The following PZP variants were observed in gnomAD, a reference collection of about 807,000 sequenced individuals.
PZP encodes the protein pregnancy zone protein.
In PZP, 150 loss-of-function variants were observed where a neutral mutation model predicts 179.8. The ratio of observed to expected loss-of-function variants is 0.83; its 90% CI spans 0.73 to 0.96. The LOEUF is 0.96. PZP is among the 40% of genes least tolerant of loss of function. The pLI is 0.00. For synonymous variants in PZP, 624 were observed against 652.3 expected (o/e 0.96, Z 0.66); for missense variants, 1,689 against 1,764.0 (o/e 0.96, Z 0.76).
intron 13 of PZP, among the ~76,000 whole-genome samples, chr12:9,190,389 T>A (rs2121084452): frequency 6.6e-6 from 1 of 152,246 alleles, no homozygotes; most frequent in East Asian, 1.9e-4. Context: ...AGCAAAATAA[T>A]GTAGGAACAG....
intron 21 of PZP, among the ~76,000 whole-genome samples, chr12:9,163,027 CA>C (rs1941323794): frequency 6.6e-6 from 1 of 152,124 alleles, no homozygotes; most frequent in Non-Finnish European, 1.5e-5. Flanking sequence ...GAGAACATAA[CA>C]TCCTACTTGT....
In PZP at chr12:9,201,315, T is replaced by A; in HGVS notation, c.501+12A>T. Reference sequence around the variant, plus strand: ...ACTAATTTCCTTATAAGATACTTTTTCTGATACTTACCTCAAGGTATATCA... The same window carrying A: ...ACTAATTTCCTTATAAGATACTTTTACTGATACTTACCTCAAGGTATATCA... On this transcript the variant is annotated intron_variant, in intron 5 of 35. Transcript: ENST00000261336. The A allele has an allele frequency of 6.5e-7, 1 of 1,533,956 alleles. No individual in the cohort carries two copies. The highest frequency in any genetic ancestry group is 9.0e-7 in the Non-Finnish European group (1 of 1,110,322).
At chr12:9,200,854 C>T in intron 6 of PZP, 38 bp downstream of exon 6, 1 of 1,583,952 alleles carries the variant, frequency 6.3e-7, no homozygotes, top group Non-Finnish European at 8.6e-7. Flanking sequence ...CTCTAGGAAC[C>T]AAAATGTTAT....
At chr12:9,184,814 C>G (rs1023206430) in intron 13 of PZP, among the ~76,000 whole-genome samples, 1 of 152,212 alleles carries the variant, frequency 6.6e-6, no homozygotes, top group Non-Finnish European at 1.5e-5. Flanking sequence ...GAGCCTTGCT[C>G]CTCCCTGCCT....
intron 5 of PZP, 93 bp from the exon 6 acceptor site, chr12:9,201,153 C>T (rs1205413462): frequency 2.0e-6 from 3 of 1,489,592 alleles, no homozygotes; most frequent in Non-Finnish European, 2.8e-6. Context: ...TTAGCATTGC[C>T]TCTGGAAAGA....
At chr12:9,203,337 CT>C (rs528084441) in intron 2 of PZP, among the ~76,000 whole-genome samples, 2,312 of 114,424 alleles carry the variant, frequency 0.02, 16 homozygotes, top group African/African-American at 0.047. Flanking sequence ...AACTACATTC[CT>C]TTTTTTTTTT....
At chr12:9,196,817 A>T in intron 8 of PZP, 132 bp from the exon 9 acceptor site, 1 of 805,894 alleles carries the variant, frequency 1.2e-6, no homozygotes, top group African/African-American at 1.7e-5. Flanking sequence ...TCGAGAACTT[A>T]ATACTCATAT....
chr12:9,190,579 AAAT>A (rs1943403177), intron 13 of PZP, among the ~76,000 whole-genome samples: 1 of 152,108 alleles, frequency 6.6e-6, no homozygotes, highest in Admixed American at 6.6e-5. Context: ...GGATCAGAAA[AAAT>A]AATTATTGGG....
At position 9,152,317 on chromosome 12, in the gene PZP, T is replaced by C; in HGVS notation, c.4122-7A>G. The stretch of plus-strand genomic sequence containing the variant: ...AGGACGGTTTCCTGTGTAACTGTAG[T>C]GTCAAAGGAAAAAGAATTTAGGGTT... On this transcript the variant is annotated splice_polypyrimidine_tract_variant and splice_region_variant and intron_variant, in intron 31 of 35. Transcript: ENST00000261336. The C allele has an allele frequency of 1.9e-6, 3 of 1,604,564 alleles. No homozygotes were observed. In the South Asian group the frequency reaches 3.3e-5, roughly 18 times the overall value.
At position 9,163,730 on chromosome 12, in the gene PZP, C is replaced by A. The variant is rs2120713480; in HGVS notation, c.2674G>T (p.Glu892Ter). Residue 892 changes from glutamate (E) to a stop codon, truncating the protein, a stop_gained, in exon 21 of 36, where the codon GAG becomes TAG. Transcript: ENST00000261336. LOFTEE classifies it high-confidence loss of function. Reference protein sequence around the residue: ...AMQSLELCGNEVVEVPEIKRK... With the variant: ...AMQSLELCGN ...TTAATCTCAGGGACCTCAACAACCTCATTTCCACAGAGTTCTAAGGACTGC... is the reference window on the plus strand; with the variant it reads ...TTAATCTCAGGGACCTCAACAACCTAATTTCCACAGAGTTCTAAGGACTGC... 1.2e-6 allele frequency: 2 copies of A among 1,613,970 alleles called. No individual in the cohort carries two copies. The highest frequency in any genetic ancestry group is 3.3e-4 in the Middle Eastern group (2 of 6,062).
At chr12:9,198,486 T>A (rs751352469) in intron 7 of PZP, among the ~76,000 whole-genome samples, 8 of 152,068 alleles carry the variant, frequency 5.3e-5, no homozygotes, top group Non-Finnish European at 1.2e-4. Context: ...ACATAATAAC[T>A]AAGCAAATCT....
chr12:9,161,258 T>C, intron 22 of PZP, 142 bp from the exon 23 acceptor site: 1 of 628,480 alleles, frequency 1.6e-6, no homozygotes, highest in Non-Finnish European at 2.6e-6. Context: ...TAAATTGTGA[T>C]GATTTGAGGA....
chr12:9,169,131 T>C (rs1262462642), intron 16 of PZP, among the ~76,000 whole-genome samples, 157 bp from the exon 17 acceptor site: 1 of 151,980 alleles, frequency 6.6e-6, no homozygotes, highest in Admixed American at 6.6e-5. Flanking sequence ...TTACTAAACT[T>C]ATGGATTATT....
At chr12:9,157,956 C>G in intron 26 of PZP, 115 bp from the exon 27 acceptor site, 1 of 897,846 alleles carries the variant, frequency 1.1e-6, no homozygotes, top group Non-Finnish European at 1.8e-6. Flanking sequence ...ATACCATTTC[C>G]TTCTCTCTCT....
intron 15 of PZP, among the ~76,000 whole-genome samples, chr12:9,178,130 T>G: frequency 6.6e-6 from 1 of 152,218 alleles, no homozygotes; most frequent in South Asian, 2.1e-4. Flanking sequence ...TCCCCCAATC[T>G]GCGGTTTTGG....
At chr12:9,194,321 A>G (rs1234950811) in intron 10 of PZP, 83 bp from the exon 11 acceptor site, 23 of 1,343,720 alleles carry the variant, frequency 1.7e-5, no homozygotes, top group East Asian at 9.4e-5. Flanking sequence ...TTTTGCTGCT[A>G]TAACTAAAAC....
At chr12:9,140,167 G>T in the PZP span, among the ~76,000 whole-genome samples, 1 of 152,188 alleles carries the variant, frequency 6.6e-6, no homozygotes, top group African/African-American at 2.4e-5. Flanking sequence ...GCAGTTTTTG[G>T]GTAGTTGTCT....
downstream of PZP, among the ~76,000 whole-genome samples, chr12:9,144,973 T>G (rs1315354310): frequency 6.6e-6 from 1 of 152,234 alleles, no homozygotes; most frequent in African/African-American, 2.4e-5. Flanking sequence ...TCCAAGATGA[T>G]GATACTCCTG....
the PZP span, among the ~76,000 whole-genome samples, chr12:9,141,886 C>T: frequency 6.6e-6 from 1 of 152,182 alleles, no homozygotes; most frequent in Non-Finnish European, 1.5e-5. Flanking sequence ...CTCCATGTGT[C>T]CTAGGTCTTA....
Sources: gnomAD v4.1 joint callset for allele counts (sites outside exome capture counted in the v4.1 genomes callset) on GRCh38, gnomAD v4.1.1 for gene constraint, MANE v1.5 for transcripts, NCBI Gene and HGNC (gene_info 2026-07-23, HGNC 2026-07-21) for gene names.